Variants in CCSER1 observed in about 807,000 individuals in gnomAD.
The protein encoded by CCSER1 is serine-rich coiled-coil domain-containing protein 1.
Under a neutral mutation model 82.0 loss-of-function variants are expected in CCSER1, and 41 were observed. The ratio of observed to expected loss-of-function variants is 0.50; its 90% confidence interval spans 0.39 to 0.65. The LOEUF is 0.65. Among genes scored for constraint, CCSER1 ranks in the 30% least tolerant of loss-of-function variants. CCSER1 has a pLI of 0.00. For missense variants in CCSER1, 1,119 were observed against 1,064.2 expected (o/e 1.05, Z -0.72); for synonymous variants, 414 against 383.9 (o/e 1.08, Z -0.92).
intron 4 of CCSER1, among the ~76,000 whole-genome samples, chr4:90,440,630 T>C (rs1393248593): frequency 6.6e-6 from 1 of 152,184 alleles, no homozygotes; most frequent in African/African-American, 2.4e-5. Context: ...GTAGGCTTTG[T>C]GCAGTGCTGT....
intron 7 of CCSER1, among the ~76,000 whole-genome samples, chr4:90,793,601 CTT>C (rs1755574343): frequency 6.6e-6 from 1 of 152,276 alleles, no homozygotes; most frequent in East Asian, 1.9e-4. Flanking sequence ...GATTCCACGT[CTT>C]TGCCATTGTG....
chr4:90,940,279 C>G (rs1731437595), intron 9 of CCSER1, among the ~76,000 whole-genome samples: 1 of 151,780 alleles, frequency 6.6e-6, no homozygotes, highest in African/African-American at 2.4e-5. Context: ...TCCCTCCCTC[C>G]CTTCCTCCCT....
intron 10 of CCSER1, among the ~76,000 whole-genome samples, chr4:91,475,530 G>C (rs1047515720): frequency 2.0e-5 from 3 of 151,772 alleles, no homozygotes; most frequent in Non-Finnish European, 3.0e-5. Context: ...ACAGAGTTTT[G>C]AGATGTGTTA....
chr4:90,291,822 G>T (rs967363431), intron 1 of CCSER1, among the ~76,000 whole-genome samples: 1 of 151,670 alleles, frequency 6.6e-6, no homozygotes, highest in African/African-American at 2.4e-5. Flanking sequence ...GTTAATTATT[G>T]GTATAATATT....
intron 1 of CCSER1, among the ~76,000 whole-genome samples, chr4:90,305,073 T>C (rs1047552886): frequency 6.6e-6 from 1 of 151,868 alleles, no homozygotes; most frequent in African/African-American, 2.4e-5. Context: ...CCCACCACCA[T>C]GCCTGGATAA....
intron 7 of CCSER1, among the ~76,000 whole-genome samples, chr4:90,813,027 A>G (rs547960439): frequency 6.6e-6 from 1 of 152,228 alleles, no homozygotes; most frequent in African/African-American, 2.4e-5. Context: ...ACATTTGAAA[A>G]CCAATCTTGC....
chr4:90,366,283 G>A (rs1442787279), intron 3 of CCSER1, among the ~76,000 whole-genome samples: 1 of 149,538 alleles, frequency 6.7e-6, no homozygotes, highest in East Asian at 1.9e-4. Context: ...AGACAAAGAT[G>A]TTAGTATCTT....
At chr4:91,444,411 G>A (rs1045605763) in intron 10 of CCSER1, among the ~76,000 whole-genome samples, 5 of 151,552 alleles carry the variant, frequency 3.3e-5, no homozygotes, top group African/African-American at 9.7e-5. Context: ...CAAGATTCAC[G>A]AACACACTGA....
Position 91,247,138 on chromosome 4 carries a change from A to G in CCSER1, c.2217+161144A>G, listed in dbSNP as rs572461285. 2.0e-5 allele frequency among the ~76,000 whole-genome samples: 3 copies of G among 151,954 alleles called. No individual in the cohort carries two copies. In the South Asian group the frequency reaches 6.2e-4, roughly 32 times the overall value. On this transcript the variant is annotated intron_variant, in intron 10 of 10. Coordinates refer to ENST00000509176, the MANE Select transcript of CCSER1 (RefSeq NM_001145065.2). Reference sequence around the variant, plus strand: ...AACACGGTGAAACCCTGTCTCTATTAAAAATACAAAAATATTAGCCGGGTG... The same window carrying G: ...AACACGGTGAAACCCTGTCTCTATTGAAAATACAAAAATATTAGCCGGGTG...
intron 9 of CCSER1, among the ~76,000 whole-genome samples, chr4:91,037,413 T>C (rs970825701): frequency 2.0e-5 from 3 of 152,158 alleles, no homozygotes; most frequent in African/African-American, 7.2e-5. Context: ...CTGTCCTCCT[T>C]CTCTAAGAAA....
At chr4:91,552,987 T>G (rs1393022655) in intron 10 of CCSER1, among the ~76,000 whole-genome samples, 1 of 151,564 alleles carries the variant, frequency 6.6e-6, no homozygotes, top group African/African-American at 2.4e-5. Context: ...TTCTCACCAT[T>G]GAATATAACG....
intron 6 of CCSER1, among the ~76,000 whole-genome samples, chr4:90,698,289 T>C (rs138153471): frequency 6.6e-6 from 1 of 152,152 alleles, no homozygotes; most frequent in Admixed American, 6.5e-5. Context: ...GTGCTCTGTG[T>C]GTGACATTGA....
intron 10 of CCSER1, among the ~76,000 whole-genome samples, chr4:91,459,554 T>C (rs566976832): frequency 1.3e-5 from 2 of 152,040 alleles, no homozygotes; most frequent in Non-Finnish European, 1.5e-5. Flanking sequence ...GGAGATGAAA[T>C]AACAGATACA....
At chr4:91,105,123 A>G (rs1725473313) in intron 10 of CCSER1, among the ~76,000 whole-genome samples, 2 of 151,514 alleles carry the variant, frequency 1.3e-5, no homozygotes, top group Admixed American at 1.3e-4. Flanking sequence ...TTTAGCTCCC[A>G]CTTATATGAT....
intron 5 of CCSER1, 48 bp from the exon 6 acceptor site, chr4:90,627,977 C>T (rs774275099): frequency 6.8e-7 from 1 of 1,460,600 alleles, no homozygotes; most frequent in Non-Finnish European, 9.6e-7. Context: ...AAATACTGCT[C>T]TAAGCATGCT....
chr4:90,743,950 T>C (rs941384146), intron 7 of CCSER1, among the ~76,000 whole-genome samples: 1 of 152,178 alleles, frequency 6.6e-6, no homozygotes, highest in Non-Finnish European at 1.5e-5. Flanking sequence ...CTTAGTGATA[T>C]TAGTTTTAAA....
intron 6 of CCSER1, among the ~76,000 whole-genome samples, chr4:90,698,364 A>G (rs1049971270): frequency 6.6e-6 from 1 of 152,142 alleles, no homozygotes; most frequent in African/African-American, 2.4e-5. Context: ...CTAGGTGTGA[A>G]AAGAACTAGA....
At chr4:90,320,616 G>A (rs186404759) in intron 3 of CCSER1, among the ~76,000 whole-genome samples, 68 of 152,206 alleles carry the variant, frequency 4.5e-4, no homozygotes, top group Non-Finnish European at 8.2e-4. Flanking sequence ...GTCAAATATG[G>A]GTAAGCGAAG....
intron 9 of CCSER1, among the ~76,000 whole-genome samples, chr4:91,027,700 T>C (rs1047097054): frequency 6.6e-6 from 1 of 152,060 alleles, no homozygotes; most frequent in Non-Finnish European, 1.5e-5. Context: ...CCACAGCTGG[T>C]GGATCAGGGT....
Sources: allele counts gnomAD v4.1 joint callset (sites outside exome capture counted in the v4.1 genomes callset), GRCh38; gene constraint gnomAD v4.1.1; transcripts MANE v1.5; gene names NCBI Gene and HGNC (gene_info 2026-07-23, HGNC 2026-07-21).